Variants in BBS9 observed in about 807,000 individuals in gnomAD.
BBS9 encodes protein PTHB1.
In BBS9, 89 loss-of-function variants were observed where a neutral mutation model predicts 117.7. The ratio of observed to expected loss-of-function variants is 0.76; its 90% CI spans 0.64 to 0.90. The LOEUF (loss-of-function observed/expected upper bound fraction) is 0.90. Among genes scored for constraint, BBS9 ranks in the 40% least tolerant of loss-of-function variants. The pLI, the probability that BBS9 is intolerant of heterozygous loss-of-function variation, is 0.00. For missense variants in BBS9, 982 were observed against 1,042.2 expected (o/e 0.94, Z 0.80); for synonymous variants, 379 against 370.9 (o/e 1.02, Z -0.25).
intron 17 of BBS9, among the ~76,000 whole-genome samples, chr7:33,381,886 A>T (rs182171393): frequency 1.3e-5 from 2 of 152,328 alleles, no homozygotes; most frequent in South Asian, 2.1e-4. Flanking sequence ...GAGGAGATAT[A>T]CTATTGAATT....
At chr7:33,444,802 G>A (rs1262891647) in intron 19 of BBS9, among the ~76,000 whole-genome samples, 2 of 152,186 alleles carry the variant, frequency 1.3e-5, no homozygotes, top group African/African-American at 4.8e-5. Flanking sequence ...GTCGCTGGTG[G>A]AGAGGACATG....
At chr7:33,475,037 T>C (rs1370555931) in intron 19 of BBS9, among the ~76,000 whole-genome samples, 2 of 152,216 alleles carry the variant, frequency 1.3e-5, no homozygotes, top group Non-Finnish European at 2.9e-5. Flanking sequence ...AGTCTTTGCC[T>C]TCCTAAGCAA....
In BBS9 at chr7:33,602,795, G is replaced by T. The variant is rs117454735; in HGVS notation, c.2522-2070G>T. Among the ~76,000 whole-genome samples, 25 of 152,296 alleles carry T rather than the reference G, an allele frequency of 1.6e-4. No homozygotes were observed. The East Asian group carries it at 4.3e-3, about 26-fold the overall frequency. On this transcript the variant is annotated intron_variant, in intron 21 of 22. Transcript: ENST00000242067. ...CAGGGCAAGTGGCTGGTCAGCCCTT[G>T]CTGTGGGTGTGGAGTCTGAGGAGGT...
intron 9 of BBS9, among the ~76,000 whole-genome samples, chr7:33,331,728 A>G (rs1814106424): frequency 6.6e-6 from 1 of 151,808 alleles, no homozygotes; most frequent in Non-Finnish European, 1.5e-5. Flanking sequence ...AAAAAATCTT[A>G]GGAATATACT....
chr7:33,374,160 C>T (rs1823372553), intron 17 of BBS9, among the ~76,000 whole-genome samples: 1 of 152,012 alleles, frequency 6.6e-6, no homozygotes, highest in South Asian at 2.1e-4. Context: ...AGGATTGAAA[C>T]TCGATAGAAA....
chr7:33,576,642 C>T (rs2129149106), intron 21 of BBS9, among the ~76,000 whole-genome samples: 1 of 152,244 alleles, frequency 6.6e-6, no homozygotes, highest in South Asian at 2.1e-4. Flanking sequence ...CATCACGCTA[C>T]CTGACTTCAA....
intron 20 of BBS9, among the ~76,000 whole-genome samples, chr7:33,519,433 C>T (rs749973488): frequency 6.6e-6 from 1 of 152,166 alleles, no homozygotes; most frequent in Non-Finnish European, 1.5e-5. Context: ...TCATTAGAAT[C>T]ATGTCTGACC....
At chr7:33,544,176 T>TG (rs1563334775) in intron 21 of BBS9, among the ~76,000 whole-genome samples, 2 of 152,240 alleles carry the variant, frequency 1.3e-5, no homozygotes, top group Non-Finnish European at 2.9e-5. Flanking sequence ...GCTTAATAAC[T>TG]AACCTCCTGA....
chr7:33,453,647 G>A (rs1363185442), intron 19 of BBS9, among the ~76,000 whole-genome samples: 1 of 151,256 alleles, frequency 6.6e-6, no homozygotes, highest in Non-Finnish European at 1.5e-5. Flanking sequence ...TCAGCCTCCC[G>A]AGTAGCTAGG....
intron 21 of BBS9, among the ~76,000 whole-genome samples, chr7:33,578,224 C>T (rs1246931629): frequency 6.6e-6 from 1 of 152,090 alleles, no homozygotes; most frequent in Non-Finnish European, 1.5e-5. Flanking sequence ...CTATTACCAC[C>T]AGTGTGTAGA....
intron 21 of BBS9, among the ~76,000 whole-genome samples, chr7:33,542,715 G>A (rs1251499017): frequency 0.014 from 2,103 of 149,926 alleles, 68 homozygotes; most frequent in African/African-American, 0.049. Context: ...GTGTGTGTGT[G>A]TGTGTGTGTG....
At chr7:33,369,674 A>G (rs1030631319) in intron 17 of BBS9, among the ~76,000 whole-genome samples, 4 of 152,194 alleles carry the variant, frequency 2.6e-5, no homozygotes, top group Non-Finnish European at 5.9e-5. Context: ...ATGGTGATGG[A>G]GAGAGATAGG....
intron 5 of BBS9, among the ~76,000 whole-genome samples, chr7:33,184,637 T>C (rs1445816810): frequency 2.6e-5 from 4 of 152,162 alleles, no homozygotes; most frequent in Non-Finnish European, 5.9e-5. Context: ...TTAACCATAG[T>C]CGGCCAATGG....
At chr7:33,263,863 G>A (rs984143950) in intron 6 of BBS9, among the ~76,000 whole-genome samples, 5 of 152,110 alleles carry the variant, frequency 3.3e-5, no homozygotes, top group Non-Finnish European at 7.4e-5. Flanking sequence ...TAGTTAAGTG[G>A]TTAAACTGGG....
At chr7:33,429,264 C>T (rs1360284678) in intron 19 of BBS9, among the ~76,000 whole-genome samples, 1 of 150,388 alleles carries the variant, frequency 6.6e-6, no homozygotes, top group African/African-American at 2.4e-5. Context: ...CCCTTTTTTG[C>T]GTAGCTTTTG....
intron 19 of BBS9, among the ~76,000 whole-genome samples, chr7:33,417,468 TAAAA>T (rs1832192711): frequency 6.6e-6 from 1 of 152,240 alleles, no homozygotes; most frequent in Non-Finnish European, 1.5e-5. Context: ...CTACTGGGTA[TAAAA>T]ACTCTGTCAT....
intron 9 of BBS9, among the ~76,000 whole-genome samples, chr7:33,310,487 A>G (rs1808979708): frequency 6.6e-6 from 1 of 152,190 alleles, no homozygotes; most frequent in Non-Finnish European, 1.5e-5. Context: ...CATGGATAGG[A>G]TGACAATATA....
intron 17 of BBS9, 143 bp downstream of exon 17, chr7:33,368,005 G>A (rs1197772564): frequency 2.7e-6 from 2 of 729,030 alleles, no homozygotes; most frequent in Non-Finnish European, 4.8e-6. Flanking sequence ...TAAGTAGATA[G>A]GATGTGAAAG....
At chr7:33,541,128 T>C (rs1852226477) in intron 21 of BBS9, among the ~76,000 whole-genome samples, 1 of 152,128 alleles carries the variant, frequency 6.6e-6, no homozygotes, top group Non-Finnish European at 1.5e-5. Flanking sequence ...TTCGTATGCC[T>C]TCTGGTTGGC....
Sources: allele counts gnomAD v4.1 joint callset (sites outside exome capture counted in the v4.1 genomes callset), GRCh38; gene constraint gnomAD v4.1.1; transcripts MANE v1.5; gene names NCBI Gene and HGNC (gene_info 2026-07-23, HGNC 2026-07-21).